Variants in KIF5C observed in about 807,000 individuals in gnomAD.
KIF5C encodes kinesin family member 5C.
A neutral mutation model predicts 125.2 loss-of-function variants in KIF5C; 18 were observed. The observed-to-expected ratio is 0.14, with a 90% CI of 0.10 to 0.21. KIF5C has a LOEUF of 0.21. Ranked by LOEUF, KIF5C falls within the 10% of genes least tolerant of loss-of-function variation. The probability of loss-of-function intolerance (pLI) is 1.00; values close to 1 mark genes in which losing one functional copy is unlikely to be tolerated. For missense variants in KIF5C, 780 were observed against 1,183.8 expected, an observed-to-expected ratio of 0.66 and a Z score of 5.01; for synonymous variants, 405 against 434.0, an observed-to-expected ratio of 0.93 and a Z score of 0.83.
At chr2:149,002,066 T>C (rs2105188478) in intron 21 of KIF5C, among the ~76,000 whole-genome samples, 1 of 152,378 alleles carries the variant, frequency 6.6e-6, no homozygotes, top group South Asian at 2.1e-4. Flanking sequence ...TGGAGGGGGC[T>C]GCTGCCGGGG....
rs747985791 is a variant in KIF5C, at chr2:148,979,008, T to TA, written c.1362+18_1362+19insA. On this transcript the variant is annotated intron_variant, in intron 13 of 25. Coordinates refer to ENST00000435030, the MANE Select transcript of KIF5C (RefSeq NM_004522.3). ...AGGATGAGGTAAAGAATGCAATATA[T>TA]TTTTTTTTCCACAAAGTTCTTCTAT... 7 of 1,500,988 alleles carry TA rather than the reference T, an allele frequency of 4.7e-6. No homozygotes were observed. The African/African-American group carries it at 9.9e-5, about 21-fold the overall frequency. 93.0% of individuals were successfully genotyped at this position (1,500,988 alleles called of 1,614,324 possible). A position where few individuals can be genotyped will look rare whatever the true frequency, so the allele number is the denominator to read the frequency against.
At chr2:148,994,387 TAGTC>T in intron 16 of KIF5C, 30 bp from the exon 17 acceptor site, 1 of 1,546,516 alleles carries the variant, frequency 6.5e-7, no homozygotes, top group Non-Finnish European at 8.7e-7. Context: ...GACCACTTGC[TAGTC>T]ATTCACTCTT....
chr2:149,003,722 C>G (rs1681921272), intron 21 of KIF5C, among the ~76,000 whole-genome samples: 1 of 152,188 alleles, frequency 6.6e-6, no homozygotes, highest in Non-Finnish European at 1.5e-5. Context: ...CTACCCTTCC[C>G]AAACTGTTTA....
chr2:148,947,207 TC>T (rs1682538678), intron 8 of KIF5C, 184 bp downstream of exon 8: 2 of 900,428 alleles, frequency 2.2e-6, no homozygotes, highest in East Asian at 5.7e-5. Flanking sequence ...TCCTGAGGTC[TC>T]CTATTGGTGT....
intron 8 of KIF5C, among the ~76,000 whole-genome samples, chr2:148,948,307 A>G (rs1214197422): frequency 6.6e-6 from 1 of 151,350 alleles, no homozygotes; most frequent in Non-Finnish European, 1.5e-5. Flanking sequence ...CAGTGAGCCG[A>G]GATCGTGCCA....
chr2:148,960,588 C>T (rs1682902823), intron 10 of KIF5C, among the ~76,000 whole-genome samples: 1 of 152,216 alleles, frequency 6.6e-6, no homozygotes, highest in Non-Finnish European at 1.5e-5. Context: ...GAGAGTTATC[C>T]TAATTCTTAA....
chr2:148,936,416 AT>A (rs1311450132), intron 3 of KIF5C, among the ~76,000 whole-genome samples: 1 of 152,220 alleles, frequency 6.6e-6, no homozygotes. Context: ...TTAAGTGCTT[AT>A]TTGACGGTGG....
intron 19 of KIF5C, chr2:148,998,724 G>A (rs532785388): frequency 1.4e-5 from 10 of 713,584 alleles, no homozygotes; most frequent in Middle Eastern, 4.2e-4. Context: ...GGTGGCAGGC[G>A]GGCCCAGCTG....
intron 25 of KIF5C, among the ~76,000 whole-genome samples, chr2:149,020,871 G>C (rs1682515147): frequency 6.6e-6 from 1 of 152,152 alleles, no homozygotes; most frequent in African/African-American, 2.4e-5. Flanking sequence ...CTGGCAATAA[G>C]CCCAAAATTT....
intron 16 of KIF5C, among the ~76,000 whole-genome samples, chr2:148,991,634 T>A (rs1681528749): frequency 6.6e-6 from 1 of 152,200 alleles, no homozygotes; most frequent in Non-Finnish European, 1.5e-5. Context: ...TACACTGTGC[T>A]AAGTACTTCA....
intron 12 of KIF5C, among the ~76,000 whole-genome samples, chr2:148,978,106 A>G (rs1298184945): frequency 1.3e-5 from 2 of 152,152 alleles, no homozygotes; most frequent in South Asian, 2.1e-4. Context: ...AATGCAGTGA[A>G]GACTGTGTTT....
intron 3 of KIF5C, among the ~76,000 whole-genome samples, chr2:148,934,223 A>G (rs1286034714): frequency 1.3e-5 from 2 of 150,502 alleles, no homozygotes; most frequent in Non-Finnish European, 3.0e-5. Flanking sequence ...CACATACATC[A>G]TACATATACA....
Position 148,875,573 on chromosome 2 carries a change from C to CGGG in KIF5C, c.-43_-42insGGG. 8 of 723,600 alleles carry CGGG rather than the reference C, an allele frequency of 1.1e-5. No individual in the cohort carries two copies. Among genetic ancestry groups the CGGG allele is most frequent in the East Asian group, 5.9e-5 (2 of 33,804 alleles). The allele number at this position is 723,600 out of a possible 1,614,324, so 44.8% of individuals were successfully genotyped here. The stretch of plus-strand genomic sequence containing the variant: ...CCTCCTCCCTCGTCGTTCCCGGCCC[C>CGGG]GGCCCCCCACCCATCCCCGTGCCCC... On this transcript the variant is annotated 5_prime_UTR_variant, in exon 1 of 26. Coordinates refer to ENST00000435030, the MANE Select transcript of KIF5C (RefSeq NM_004522.3).
rs2105219948 is a variant in KIF5C at position 149,025,741 on chromosome 2, G to C, written c.*2671G>C. The stretch of plus-strand genomic sequence containing the variant: ...AGGATGGTGGATTGGTAAATTAGGA[G>C]AATGTTGTTTGAGATATCAAGATTT... On this transcript the variant is annotated 3_prime_UTR_variant, in exon 26 of 26. Coordinates refer to ENST00000435030, the MANE Select transcript of KIF5C (RefSeq NM_004522.3). 1 of 152,470 alleles carries C rather than the reference G, an allele frequency of 6.6e-6. No individual in the cohort carries two copies. Among genetic ancestry groups the C allele is most frequent in the Middle Eastern group, 3.4e-3 (1 of 294 alleles). The allele number at this position is 152,470 out of a possible 1,614,324, so 9.4% of individuals were successfully genotyped here.
chr2:148,879,643 A>G (rs893329026), intron 1 of KIF5C: 1 of 151,870 alleles, frequency 6.6e-6, no homozygotes, highest in African/African-American at 2.4e-5. Flanking sequence ...TTCTCAGAGT[A>G]CTCCATTAGC....
At position 149,010,441 on chromosome 2, in the gene KIF5C, C is replaced by T. The variant is rs141176223; in HGVS notation, c.2767+90C>T. On this transcript the variant is annotated intron_variant, in intron 24 of 25. Transcript: ENST00000435030. ...CTAAAAGGTGAAGACAGCGCTGGCC[C>T]ACTCTGGAACATCTGAAAGGCTGGG... The T allele has an allele frequency of 3.2e-5, 46 of 1,454,692 alleles. No individual in the cohort carries two copies. In the African/African-American group the frequency reaches 4.4e-4, roughly 14 times the overall value. 90.1% of individuals were successfully genotyped at this position (1,454,692 alleles called of 1,614,324 possible).
chr2:148,875,567 C>G lies in KIF5C; in HGVS notation c.-51C>G. 7.0e-6 allele frequency: 6 copies of G among 853,176 alleles called. No homozygotes were observed. The highest frequency in any genetic ancestry group is 2.0e-5 in the Admixed American group (1 of 48,948). 52.9% of individuals were successfully genotyped at this position (853,176 alleles called of 1,614,324 possible). On this transcript the variant is annotated 5_prime_UTR_variant, in exon 1 of 26. Coordinates refer to ENST00000435030, the MANE Select transcript of KIF5C (RefSeq NM_004522.3). ...TCGCGGCCTCCTCCCTCGTCGTTCC[C>G]GGCCCCGGCCCCCCACCCATCCCCG...
intron 11 of KIF5C, among the ~76,000 whole-genome samples, chr2:148,963,993 G>A (rs1052125527): frequency 2.6e-5 from 4 of 152,066 alleles, no homozygotes; most frequent in Non-Finnish European, 5.9e-5. Context: ...CGAACACCTT[G>A]CGAATCTCCT....
chr2:148,895,873 CACCCACAG>C (rs1681824959), intron 1 of KIF5C, among the ~76,000 whole-genome samples: 3 of 52,836 alleles, frequency 5.7e-5, no homozygotes, highest in African/African-American at 2.2e-4. Context: ...CACACACACA[CACCCACAG>C]AGATCTGGTG....
Sources: gnomAD v4.1 joint callset for allele counts (sites outside exome capture counted in the v4.1 genomes callset) on GRCh38, gnomAD v4.1.1 for gene constraint, MANE v1.5 for transcripts, NCBI Gene and HGNC (gene_info 2026-07-23, HGNC 2026-07-21) for gene names.